Variants in NLK observed in about 807,000 individuals in gnomAD.
NLK encodes the protein serine/threonine-protein kinase NLK.
NLK carries 11 observed loss-of-function variants against 59.0 expected under a neutral mutation model. The observed-to-expected ratio is 0.19, with a 90% CI of 0.12 to 0.31. The LOEUF is 0.31. NLK is among the 10% of genes least tolerant of loss of function. NLK has a pLI of 1.00. For missense variants in NLK, 410 were observed against 661.1 expected (o/e 0.62, Z 4.16); for synonymous variants, 235 against 235.9 (o/e 1.00, Z 0.03).
chr17:28,159,587 A>T (rs1907921654), intron 3 of NLK, among the ~76,000 whole-genome samples: 1 of 152,316 alleles, frequency 6.6e-6, no homozygotes, highest in Non-Finnish European at 1.5e-5. Flanking sequence ...ACTGTCCTGT[A>T]AGTGAATCCC....
chr17:28,110,454 A>T (rs1037467651), intron 1 of NLK, among the ~76,000 whole-genome samples: 3 of 146,274 alleles, frequency 2.1e-5, no homozygotes, highest in African/African-American at 7.5e-5. Context: ...CTAGGCGTGG[A>T]TCTCTTTGTG....
intron 8 of NLK, among the ~76,000 whole-genome samples, chr17:28,187,048 A>G (rs546357350): frequency 3.9e-5 from 6 of 152,366 alleles, no homozygotes; most frequent in Non-Finnish European, 7.3e-5. Flanking sequence ...GTTAAAAAAC[A>G]AACTCCTTTT....
intron 1 of NLK, among the ~76,000 whole-genome samples, chr17:28,102,938 A>T (rs1904953295): frequency 1.3e-5 from 2 of 152,316 alleles, no homozygotes; most frequent in Admixed American, 6.5e-5. Flanking sequence ...GTATATGGAA[A>T]GAGTAAATGG....
At chr17:28,132,794 G>T (rs942527446) in intron 3 of NLK, 119 bp downstream of exon 3, 6 of 827,762 alleles carry the variant, frequency 7.2e-6, no homozygotes, top group Admixed American at 2.4e-5. Flanking sequence ...AGAAGTGATT[G>T]AGTACCTGGA....
At chr17:28,094,901 G>A (rs1904645375) in intron 1 of NLK, among the ~76,000 whole-genome samples, 1 of 152,110 alleles carries the variant, frequency 6.6e-6, no homozygotes, top group Non-Finnish European at 1.5e-5. Context: ...CTGCAAATTT[G>A]TGTTTATTTT....
At chr17:28,203,132 C>T in the NLK span, among the ~76,000 whole-genome samples, 2 of 149,690 alleles carry the variant, frequency 1.3e-5, no homozygotes, top group African/African-American at 5.0e-5. Context: ...CACGCAAACA[C>T]GTATGTGTGT....
intron 1 of NLK, among the ~76,000 whole-genome samples, chr17:28,056,126 G>A (rs181352477): frequency 7.2e-5 from 11 of 152,266 alleles, no homozygotes; most frequent in Non-Finnish European, 5.9e-5. Context: ...GTATGCGTGG[G>A]TGTGTTTGTA....
chr17:28,078,207 C>G (rs1910231269), intron 1 of NLK, among the ~76,000 whole-genome samples: 1 of 151,970 alleles, frequency 6.6e-6, no homozygotes, highest in African/African-American at 2.4e-5. Context: ...GGGTTTAGAT[C>G]ATTGCATATC....
intron 1 of NLK, among the ~76,000 whole-genome samples, chr17:28,052,602 A>C (rs1909295816): frequency 6.6e-6 from 1 of 152,242 alleles, no homozygotes; most frequent in South Asian, 2.1e-4. Context: ...ACATAGTGAA[A>C]GTATGCAATC....
chr17:28,134,084 A>T (rs973426103), intron 3 of NLK, among the ~76,000 whole-genome samples: 1 of 152,056 alleles, frequency 6.6e-6, no homozygotes, highest in African/African-American at 2.4e-5. Flanking sequence ...ATTTGAAAAA[A>T]AAATAAAAAT....
At chr17:28,126,163 G>T (rs1359595950) in intron 2 of NLK, among the ~76,000 whole-genome samples, 1 of 152,206 alleles carries the variant, frequency 6.6e-6, no homozygotes, top group Non-Finnish European at 1.5e-5. Context: ...CTGTGGGAGG[G>T]TTGCCTGCAT....
At chr17:28,071,406 C>T (rs1436071187) in intron 1 of NLK, among the ~76,000 whole-genome samples, 1 of 150,528 alleles carries the variant, frequency 6.6e-6, no homozygotes, top group East Asian at 1.9e-4. Context: ...TTGAGTGTTC[C>T]ATTCCATGAA....
intron 1 of NLK, among the ~76,000 whole-genome samples, chr17:28,058,989 G>A (rs1329597290): frequency 6.6e-6 from 1 of 152,116 alleles, no homozygotes; most frequent in East Asian, 1.9e-4. Context: ...AGCTGGACAT[G>A]GTGGAGTGTG....
chr17:28,081,533 A>G (rs1260114373), intron 1 of NLK, among the ~76,000 whole-genome samples: 1 of 151,942 alleles, frequency 6.6e-6, no homozygotes, highest in East Asian at 1.9e-4. Flanking sequence ...ACTCTTTAGG[A>G]AAAAAAATAA....
intron 1 of NLK, among the ~76,000 whole-genome samples, chr17:28,113,931 A>G (rs1905638024): frequency 6.6e-6 from 1 of 152,012 alleles, no homozygotes; most frequent in African/African-American, 2.4e-5. Context: ...GCATCCCTAA[A>G]CATTATAGTT....
At chr17:28,087,636 A>G (rs1162280834) in intron 1 of NLK, among the ~76,000 whole-genome samples, 1 of 152,264 alleles carries the variant, frequency 6.6e-6, no homozygotes, top group African/African-American at 2.4e-5. Flanking sequence ...AGTAGAATAT[A>G]TGTAGAAGAG....
intron 4 of NLK, among the ~76,000 whole-genome samples, chr17:28,162,190 T>A (rs943488864): frequency 2.6e-5 from 4 of 152,074 alleles, no homozygotes; most frequent in Admixed American, 6.5e-5. Flanking sequence ...TAATTTTTTG[T>A]ATTTTTAGTA....
At chr17:28,159,192 A>G (rs1168765375) in intron 3 of NLK, among the ~76,000 whole-genome samples, 1 of 152,224 alleles carries the variant, frequency 6.6e-6, no homozygotes, top group African/African-American at 2.4e-5. Context: ...GCAATAGAAG[A>G]GGTCAGAGAA....
chr17:28,138,076 A>C lies in NLK; in HGVS notation c.644+5401A>C, dbSNP rs151054954. On this transcript the variant is annotated intron_variant, in intron 3 of 10. Transcript: ENST00000407008. Reference sequence around the variant, plus strand: ...TTTGAGCCTACTGAAATTTAAATCAAGAGAAACCAGTTCTAATTGTTTATT... The same window carrying C: ...TTTGAGCCTACTGAAATTTAAATCACGAGAAACCAGTTCTAATTGTTTATT... Among the ~76,000 whole-genome samples the C allele has an allele frequency of 1.8e-3, 278 of 152,328 alleles. 1 individual carries two copies. Among genetic ancestry groups the C allele is most frequent in the African/African-American group, 6.3e-3 (262 of 41,578 alleles).
Sources: gnomAD v4.1 joint callset for allele counts (sites outside exome capture counted in the v4.1 genomes callset) on GRCh38, gnomAD v4.1.1 for gene constraint, MANE v1.5 for transcripts, NCBI Gene and HGNC (gene_info 2026-07-23, HGNC 2026-07-21) for gene names.